Variants in MAP3K4 observed in about 807,000 individuals in gnomAD.
The protein encoded by MAP3K4 is mitogen-activated protein kinase kinase kinase 4.
Under a neutral mutation model 185.6 loss-of-function variants are expected in MAP3K4, and 67 were observed. That is an observed-to-expected ratio of 0.36 (90% CI 0.30 to 0.44). The LOEUF (loss-of-function observed/expected upper bound fraction) is 0.44, where lower values mean the gene tolerates loss of function less well. Among genes scored for constraint, MAP3K4 ranks in the 20% least tolerant of loss-of-function variants. The pLI is 1.00. For synonymous variants in MAP3K4, 702 were observed against 710.4 expected, an observed-to-expected ratio of 0.99 and a Z score of 0.19; for missense variants, 1,551 against 1,995.1, an observed-to-expected ratio of 0.78 and a Z score of 4.24.
At chr6:160,992,282 G>A (rs1780755542) in intron 1 of MAP3K4, 199 bp downstream of exon 1, 6 of 673,100 alleles carry the variant, frequency 8.9e-6, no homozygotes, top group South Asian at 2.3e-5. Flanking sequence ...CTCCTCCCGG[G>A]GTTGCAGCTC....
At chr6:161,029,992 C>T (rs1293295842) in intron 1 of MAP3K4, among the ~76,000 whole-genome samples, 1 of 152,132 alleles carries the variant, frequency 6.6e-6, no homozygotes, top group African/African-American at 2.4e-5. Context: ...CATTGGTTTT[C>T]AGCAATTTGG....
chr6:161,062,719 T>C (rs1784536611), intron 3 of MAP3K4, among the ~76,000 whole-genome samples: 1 of 152,220 alleles, frequency 6.6e-6, no homozygotes, highest in African/African-American at 2.4e-5. Flanking sequence ...CTGATGACAA[T>C]GTGATTTTTT....
rs567085883 is a variant in MAP3K4, at chr6:161,067,049, G to A, written c.1708-3559G>A. On this transcript the variant is annotated intron_variant, in intron 3 of 26. Coordinates refer to ENST00000392142, the MANE Select transcript of MAP3K4 (RefSeq NM_005922.4). The surrounding 1 kb of genome is among the most constrained non-coding windows in gnomAD (Gnocchi z 6.3). ...CCTTTACTTACACATACCTTAAGCT[G>A]TTAACCCTGAATATCTGAGACAGGT... 2 of 166,476 alleles carry A rather than the reference G, an allele frequency of 1.2e-5. No individual in the cohort carries two copies. The highest frequency in any genetic ancestry group is 1.3e-4 in the South Asian group (1 of 7,536). 10.3% of individuals were successfully genotyped at this position (166,476 alleles called of 1,614,324 possible).
intron 1 of MAP3K4, among the ~76,000 whole-genome samples, chr6:161,020,160 A>G (rs951393525): frequency 2.6e-5 from 4 of 152,230 alleles, no homozygotes; most frequent in African/African-American, 9.6e-5. Flanking sequence ...AGATATTTCT[A>G]AAAGAGAAAC....
chr6:161,089,166 T>C lies in MAP3K4; in HGVS notation c.2824-156T>C, dbSNP rs193130214. ...GTCAATGCCCACTGAAGCGTGTTGCTGTGTAGGAGAAGCTTTGCTTAAAAA... is the reference window on the plus strand; with the variant it reads ...GTCAATGCCCACTGAAGCGTGTTGCCGTGTAGGAGAAGCTTTGCTTAAAAA... On this transcript the variant is annotated intron_variant, in intron 10 of 26. Transcript: ENST00000392142. 1.7e-4 allele frequency among the ~76,000 whole-genome samples: 26 copies of C among 152,344 alleles called. No homozygotes were observed. In the East Asian group the frequency reaches 4.6e-3, roughly 27 times the overall value.
Position 161,093,837 on chromosome 6 carries a change from C to T in MAP3K4, c.3413C>T (p.Thr1138Ile), listed in dbSNP as rs1408460231. The T allele has an allele frequency of 5.0e-6, 8 of 1,612,768 alleles. No homozygotes were observed. The highest frequency in any genetic ancestry group is 6.8e-6 in the Non-Finnish European group (8 of 1,179,150). The change falls in exon 15 of 27, where the codon ACA (threonine) becomes ATA (isoleucine). Residue 1138 changes from threonine (T) to isoleucine (I), a missense_variant. Around this residue, in one of 16 missense-constraint regions of MAP3K4, gnomAD observed 272 missense variants for 301.2 expected, o/e 0.90. Coordinates refer to ENST00000392142, the MANE Select transcript of MAP3K4 (RefSeq NM_005922.4). The surrounding 1 kb of genome is among the most constrained non-coding windows in gnomAD (Gnocchi z 5.2). ...HVIGKPHSPV[T>I]GLYLAIHRNS... ...ATAGGAAAACCACACAGTCCTGTTA[C>T]AGGTTTGTACCTTGGTAAGACAGCC...
intron 4 of MAP3K4, among the ~76,000 whole-genome samples, chr6:161,072,706 CAT>C (rs1185593640): frequency 2.0e-5 from 3 of 152,130 alleles, no homozygotes; most frequent in South Asian, 4.1e-4. Context: ...GTTTGGCTAA[CAT>C]GTATGAAAAC....
Position 160,992,000 on chromosome 6 carries a change from G to A in MAP3K4, c.69G>A (p.Glu23=). 6.5e-7 allele frequency: 1 copy of A among 1,545,114 alleles called. No homozygotes were observed. Among genetic ancestry groups the A allele is most frequent in the East Asian group, 2.5e-5 (1 of 40,176 alleles). The change falls in exon 1 of 27, where the codon GAG becomes GAA. Residue 23 remains glutamate, a synonymous_variant. Transcript: ENST00000392142. The surrounding 1 kb of genome is among the most constrained non-coding windows in gnomAD (Gnocchi z 5.7). ...AFAVTPAAAM[E]EPPPPPPPPP... ...CCGTCACGCCTGCCGCCGCCATGGAGGAGCCGCCGCCACCGCCGCCGCCGC... is the reference window on the plus strand; with the variant it reads ...CCGTCACGCCTGCCGCCGCCATGGAAGAGCCGCCGCCACCGCCGCCGCCGC...
At chr6:161,083,618 T>C (rs990094567) in intron 6 of MAP3K4, among the ~76,000 whole-genome samples, 2 of 152,212 alleles carry the variant, frequency 1.3e-5, no homozygotes, top group African/African-American at 4.8e-5. Context: ...ATGATTTTCT[T>C]TTTTCATGAA....
Position 161,002,124 on chromosome 6 carries a change from A to G in MAP3K4, c.152+10041A>G, listed in dbSNP as rs147692010. On this transcript the variant is annotated intron_variant, in intron 1 of 26. Transcript: ENST00000392142. ...TTACTTTAGTTGTGGTTTATTCTGCATATTATTCCTACAGGTGTTTGGAAT... is the reference window on the plus strand; with the variant it reads ...TTACTTTAGTTGTGGTTTATTCTGCGTATTATTCCTACAGGTGTTTGGAAT... 8.7e-3 allele frequency among the ~76,000 whole-genome samples: 1,164 copies of G among 134,090 alleles called. 29 individuals carry two copies. Among genetic ancestry groups the G allele is most frequent in the African/African-American group, 0.032 (1,118 of 34,738 alleles). The allele number at this position is 134,090 out of a possible 152,430, so 88.0% of individuals were successfully genotyped here. A position where few individuals can be genotyped will look rare whatever the true frequency, so the allele number is the denominator to read the frequency against.
chr6:161,071,538 A>G lies in MAP3K4; in HGVS notation c.1950+688A>G, dbSNP rs1359546185. On this transcript the variant is annotated intron_variant, in intron 4 of 26. Coordinates refer to ENST00000392142, the MANE Select transcript of MAP3K4 (RefSeq NM_005922.4). The surrounding 1 kb of genome is among the most constrained non-coding windows in gnomAD (Gnocchi z 4.6). ...TCTATCCCATAGGGATTGGAGGGCTAAGAGCTACCCGGCTCTGTGAATGGT... is the reference window on the plus strand; with the variant it reads ...TCTATCCCATAGGGATTGGAGGGCTGAGAGCTACCCGGCTCTGTGAATGGT... Among the ~76,000 whole-genome samples, 1 of 152,174 alleles carries G rather than the reference A, an allele frequency of 6.6e-6. No individual in the cohort carries two copies. Among genetic ancestry groups the G allele is most frequent in the Non-Finnish European group, 1.5e-5 (1 of 68,036 alleles).
At chr6:160,992,387 G>C (rs974318467) in intron 1 of MAP3K4, 1 of 443,708 alleles carries the variant, frequency 2.3e-6, no homozygotes, top group African/African-American at 2.1e-5. Flanking sequence ...GCAGAGTGCG[G>C]CTGCCTCCCC....
chr6:161,043,021 T>C lies in MAP3K4; in HGVS notation c.344-5595T>C, dbSNP rs1470038989. On this transcript the variant is annotated intron_variant, in intron 2 of 26. Coordinates refer to ENST00000392142, the MANE Select transcript of MAP3K4 (RefSeq NM_005922.4). This position sits in a 1 kb window ranked among gnomAD's most constrained non-coding sequence, Gnocchi z 4.3. Reference sequence around the variant, plus strand: ...ATATATATGTGTGTGTAAATGTGTGTATCTGCTAACAGTAGTGAAATTAGA... The same window carrying C: ...ATATATATGTGTGTGTAAATGTGTGCATCTGCTAACAGTAGTGAAATTAGA... Among the ~76,000 whole-genome samples the C allele has an allele frequency of 6.6e-6, 1 of 152,198 alleles. No homozygotes were observed. Among genetic ancestry groups the C allele is most frequent in the East Asian group, 1.9e-4 (1 of 5,196 alleles).
Position 161,086,447 on chromosome 6 carries a change from A to G in MAP3K4, c.2441A>G (p.Lys814Arg). Residue 814 changes from lysine (K) to arginine (R), a missense_variant, in exon 8 of 27, where the codon AAA becomes AGA. Lys to Arg is a conservative substitution (Grantham distance 26). Transcript: ENST00000392142. The surrounding 1 kb of genome is among the most constrained non-coding windows in gnomAD (Gnocchi z 4.8). ...CATGAAGCCAGAGAAAGGGCTTCCA[A>G]AGCACTTGGATTTGCTAAAATGTTG... ...LFHEARERAS[K>R]ALGFAKMLRK... is the part of the protein sequence containing the mutation. 2.5e-6 allele frequency: 4 copies of G among 1,614,124 alleles called. No individual in the cohort carries two copies. Among genetic ancestry groups the G allele is most frequent in the East Asian group, 4.5e-5 (2 of 44,878 alleles).
intron 1 of MAP3K4, among the ~76,000 whole-genome samples, chr6:161,024,713 C>T (rs1782559739): frequency 6.6e-6 from 1 of 152,110 alleles, no homozygotes. Context: ...ATATCAGGGG[C>T]ACGTGCTGTC....
chr6:161,076,198 T>G lies in MAP3K4; in HGVS notation c.2097+2586T>G, dbSNP rs1341390123. Among the ~76,000 whole-genome samples the G allele has an allele frequency of 6.6e-6, 1 of 152,186 alleles. No homozygotes were observed. The highest frequency in any genetic ancestry group is 1.5e-5 in the Non-Finnish European group (1 of 68,046). ...AGGCCCAGAAGGCCCACCCAGAGATTAACTAGAGCCTTGATATCTAGGGGT... is the reference window on the plus strand; with the variant it reads ...AGGCCCAGAAGGCCCACCCAGAGATGAACTAGAGCCTTGATATCTAGGGGT... On this transcript the variant is annotated intron_variant, in intron 5 of 26. Transcript: ENST00000392142. This position sits in a 1 kb window ranked among gnomAD's most constrained non-coding sequence, Gnocchi z 4.2.
rs1184093949 is a variant in MAP3K4, at chr6:161,075,300, G to T, written c.2097+1688G>T. On this transcript the variant is annotated intron_variant, in intron 5 of 26. Coordinates refer to ENST00000392142, the MANE Select transcript of MAP3K4 (RefSeq NM_005922.4). This position sits in a 1 kb window ranked among gnomAD's most constrained non-coding sequence, Gnocchi z 4.3. ...CTCCCTAATAACTGGGACCACAGGC[G>T]TGTGCCACCACACCTGGCTAATTTT... 6.6e-6 allele frequency among the ~76,000 whole-genome samples: 1 copy of T among 152,010 alleles called. No homozygotes were observed. The highest frequency in any genetic ancestry group is 2.1e-4 in the South Asian group (1 of 4,816).
chr6:161,049,317 G>C lies in MAP3K4; in HGVS notation c.1045G>C (p.Val349Leu). The change falls in exon 3 of 27, where the codon GTC (valine) becomes CTC (leucine). Residue 349 changes from valine (V) to leucine (L), a missense_variant. Around this residue, in one of 16 missense-constraint regions of MAP3K4, gnomAD observed 93 missense variants for 96.7 expected, o/e 0.96. Coordinates refer to ENST00000392142, the MANE Select transcript of MAP3K4 (RefSeq NM_005922.4). The surrounding 1 kb of genome is among the most constrained non-coding windows in gnomAD (Gnocchi z 8.4). ...TCATGAGCATCTCCAACGCCAGAGG[G>C]TCTCATTTGAGCAGGTAAAACGGAT... ...THHEHLQRQR[V>L]SFEQVKRIME... The C allele has an allele frequency of 1.2e-6, 2 of 1,614,120 alleles. No individual in the cohort carries two copies. Among genetic ancestry groups the C allele is most frequent in the Non-Finnish European group, 1.7e-6 (2 of 1,180,004 alleles).
rs1780972873 is a variant in MAP3K4, at chr6:160,996,013, TG to T, written c.152+3932del. On this transcript the variant is annotated intron_variant, in intron 1 of 26. Transcript: ENST00000392142. This position sits in a 1 kb window ranked among gnomAD's most constrained non-coding sequence, Gnocchi z 4.5. ...TTTATTGTAAATTCATTTGAAAAAC[TG>T]GATTTCCTACTAAAAAACTAGTTGA... Among the ~76,000 whole-genome samples, 1 of 152,240 alleles carries T rather than the reference TG, an allele frequency of 6.6e-6. No individual in the cohort carries two copies. Among genetic ancestry groups the T allele is most frequent in the Non-Finnish European group, 1.5e-5 (1 of 68,046 alleles).
Sources: allele counts gnomAD v4.1 joint callset (sites outside exome capture counted in the v4.1 genomes callset), GRCh38; gene constraint gnomAD v4.1.1; regional missense constraint gnomAD v4.1.1; non-coding constraint Gnocchi (gnomAD v3.1); transcripts MANE v1.5; gene names NCBI Gene and HGNC (gene_info 2026-07-23, HGNC 2026-07-21).